Variants in PPFIA2 observed in about 807,000 individuals in gnomAD.
PPFIA2 encodes the protein PPFI scaffold protein A2.
PPFIA2 carries 46 observed loss-of-function variants against 175.5 expected under a neutral mutation model. That is an observed-to-expected ratio of 0.26 (90% confidence interval 0.21 to 0.34). The LOEUF (loss-of-function observed/expected upper bound fraction) is 0.34, where lower values mean the gene tolerates loss of function less well. PPFIA2 is among the 10% of genes least tolerant of loss of function. The pLI is 1.00. For missense variants in PPFIA2, 1,179 were observed against 1,506.1 expected (o/e 0.78, Z 3.60); for synonymous variants, 568 against 511.4 (o/e 1.11, Z -1.49).
intron 8 of PPFIA2, among the ~76,000 whole-genome samples, chr12:81,398,616 A>T (rs73356626): frequency 0.029 from 4,348 of 152,112 alleles, 197 homozygotes; most frequent in African/African-American, 0.099. Context: ...CAACTCACAT[A>T]AAGGACTTTA....
intron 11 of PPFIA2, among the ~76,000 whole-genome samples, chr12:81,374,110 G>A (rs1040144089): frequency 2.0e-5 from 3 of 151,966 alleles, no homozygotes; most frequent in Non-Finnish European, 2.9e-5. Flanking sequence ...ACTCTTCAGC[G>A]TATTATTGAT....
chr12:81,636,264 T>C (rs1165465492), intron 4 of PPFIA2, among the ~76,000 whole-genome samples: 2 of 31,666 alleles, frequency 6.3e-5, no homozygotes, highest in Non-Finnish European at 1.6e-4. Flanking sequence ...AACTCTCTGA[T>C]TTTTTTTTTT....
intron 3 of PPFIA2, among the ~76,000 whole-genome samples, chr12:81,717,422 G>C (rs1281900362): frequency 6.6e-6 from 1 of 151,570 alleles, no homozygotes; most frequent in African/African-American, 2.4e-5. Context: ...TCCAACACTG[G>C]TGGATAATAA....
intron 3 of PPFIA2, among the ~76,000 whole-genome samples, chr12:81,692,323 G>T (rs1193771216): frequency 6.6e-6 from 1 of 152,056 alleles, no homozygotes; most frequent in Non-Finnish European, 1.5e-5. Context: ...TACTTTGATT[G>T]CAGCCTTGTG....
At chr12:81,383,901 G>T in intron 9 of PPFIA2, 122 bp downstream of exon 9, 1 of 738,224 alleles carries the variant, frequency 1.4e-6, no homozygotes, top group Non-Finnish European at 2.2e-6. Context: ...CTAATATAAT[G>T]CATGCCAAAG....
chr12:81,360,572 T>C (rs1477731381), intron 15 of PPFIA2, among the ~76,000 whole-genome samples: 1 of 151,690 alleles, frequency 6.6e-6, no homozygotes, highest in Non-Finnish European at 1.5e-5. Flanking sequence ...AGATGAGATA[T>C]TAAGAGAGAA....
chr12:81,422,912 A>G (rs2046538350), intron 7 of PPFIA2, among the ~76,000 whole-genome samples: 1 of 152,136 alleles, frequency 6.6e-6, no homozygotes, highest in Admixed American at 6.6e-5. Context: ...AAATTAATAA[A>G]TTTAATAAAA....
At chr12:81,477,621 G>A (rs2057646045) in intron 4 of PPFIA2, among the ~76,000 whole-genome samples, 1 of 152,134 alleles carries the variant, frequency 6.6e-6, no homozygotes. Flanking sequence ...AAGGAATGTT[G>A]AATTTTATCG....
intron 3 of PPFIA2, among the ~76,000 whole-genome samples, chr12:81,706,357 T>A (rs2077138461): frequency 6.6e-6 from 1 of 152,194 alleles, no homozygotes; most frequent in African/African-American, 2.4e-5. Context: ...TCAATTAAAT[T>A]TGAAATGCAT....
intron 18 of PPFIA2, 142 bp from the exon 19 acceptor site, chr12:81,344,835 TA>T (rs2058760219): frequency 1.6e-6 from 1 of 611,648 alleles, no homozygotes; most frequent in African/African-American, 1.9e-5. Context: ...AAACATATTT[TA>T]ATTACTATAA....
intron 22 of PPFIA2, among the ~76,000 whole-genome samples, chr12:81,311,844 C>T (rs1023756790): frequency 2.0e-5 from 3 of 151,872 alleles, no homozygotes; most frequent in Admixed American, 6.6e-5. Flanking sequence ...TTGAGCCTGG[C>T]TGCTTGCCAC....
At chr12:81,431,784 A>G (rs2048138742) in intron 7 of PPFIA2, among the ~76,000 whole-genome samples, 1 of 152,060 alleles carries the variant, frequency 6.6e-6, no homozygotes, top group Non-Finnish European at 1.5e-5. Context: ...CGAAAATCCA[A>G]TCACATCTCT....
chr12:81,693,979 C>T (rs1279394243), intron 3 of PPFIA2, among the ~76,000 whole-genome samples: 1 of 151,772 alleles, frequency 6.6e-6, no homozygotes, highest in African/African-American at 2.4e-5. Flanking sequence ...TTCTAATTAA[C>T]AAAGTGTTCA....
chr12:81,568,010 A>G (rs1458813135), intron 4 of PPFIA2, among the ~76,000 whole-genome samples: 5 of 152,230 alleles, frequency 3.3e-5, no homozygotes, highest in Admixed American at 6.5e-5. Context: ...AATTCCAGGT[A>G]GTGATAGAAT....
intron 3 of PPFIA2, among the ~76,000 whole-genome samples, chr12:81,677,488 T>A (rs2072759058): frequency 6.6e-6 from 1 of 151,946 alleles, no homozygotes; most frequent in South Asian, 2.1e-4. Flanking sequence ...ATCTTCTTTT[T>A]TCACCACCTC....
chr12:81,341,525 T>C (rs991075845), intron 19 of PPFIA2, among the ~76,000 whole-genome samples: 2 of 152,122 alleles, frequency 1.3e-5, no homozygotes, highest in African/African-American at 4.8e-5. Context: ...CGGCTTTGAA[T>C]GCAGCCCAAC....
chr12:81,417,549 G>A (rs1015829959), intron 7 of PPFIA2, among the ~76,000 whole-genome samples: 2 of 150,846 alleles, frequency 1.3e-5, no homozygotes, highest in African/African-American at 4.9e-5. Context: ...AACAAAGCAA[G>A]CTAGGGCAAT....
chr12:81,617,281 T>A (rs1206622071), intron 4 of PPFIA2, among the ~76,000 whole-genome samples: 1 of 152,226 alleles, frequency 6.6e-6, no homozygotes, highest in Non-Finnish European at 1.5e-5. Flanking sequence ...TCCAAAATTA[T>A]CTTTTCACAT....
intron 4 of PPFIA2, among the ~76,000 whole-genome samples, chr12:81,638,526 A>G (rs1269049649): frequency 6.6e-6 from 1 of 151,968 alleles, no homozygotes; most frequent in East Asian, 1.9e-4. Flanking sequence ...TTGAGGATGA[A>G]TCTTAAAGCA....
Sources: gnomAD v4.1 joint callset for allele counts (sites outside exome capture counted in the v4.1 genomes callset) on GRCh38, gnomAD v4.1.1 for gene constraint, MANE v1.5 for transcripts, NCBI Gene and HGNC (gene_info 2026-07-23, HGNC 2026-07-21) for gene names.